Variants in NYAP2 observed in about 807,000 individuals in gnomAD.
The protein encoded by NYAP2 is neuronal tyrosine-phosphorylated phosphoinositide-3-kinase adapter 2.
NYAP2 carries 23 observed loss-of-function variants against 50.4 expected under a neutral mutation model. The observed-to-expected ratio is 0.46, with a 90% CI of 0.33 to 0.65. The LOEUF (loss-of-function observed/expected upper bound fraction) is 0.65. Ranked by LOEUF, NYAP2 falls within the 30% of genes least tolerant of loss-of-function variation. NYAP2 has a pLI of 0.02. For missense variants in NYAP2, 885 were observed against 861.0 expected, an observed-to-expected ratio of 1.03 and a Z score of -0.35; for synonymous variants, 394 against 365.2, an observed-to-expected ratio of 1.08 and a Z score of -0.90.
At chr2:225,477,114 T>A (rs1690126550) in intron 3 of NYAP2, among the ~76,000 whole-genome samples, 3 of 152,120 alleles carry the variant, frequency 2.0e-5, no homozygotes, top group African/African-American at 7.2e-5. Context: ...ATTATATGTG[T>A]GCTTTTGGAA....
intron 5 of NYAP2, among the ~76,000 whole-genome samples, chr2:225,589,135 TTGTC>T (rs963698691): frequency 1.3e-5 from 2 of 152,080 alleles, no homozygotes; most frequent in African/African-American, 4.8e-5. Flanking sequence ...ATACCCAAAC[TTGTC>T]TGAGAAGCAG....
At chr2:225,656,775 T>C (rs1437785168), downstream of NYAP2, among the ~76,000 whole-genome samples, 2 of 145,664 alleles carry the variant, frequency 1.4e-5, no homozygotes, top group Non-Finnish European at 2.9e-5. Context: ...GCAGGGACTG[T>C]GCTCAGTTCA....
chr2:225,680,920 A>G, the NYAP2 span, among the ~76,000 whole-genome samples: 1 of 152,126 alleles, frequency 6.6e-6, no homozygotes, highest in Non-Finnish European at 1.5e-5. Context: ...AAACCATTTC[A>G]CCCCAGATCT....
chr2:225,618,101 T>G (rs1693020640), intron 5 of NYAP2, among the ~76,000 whole-genome samples: 1 of 152,186 alleles, frequency 6.6e-6, no homozygotes, highest in Non-Finnish European at 1.5e-5. Flanking sequence ...AACGTTTTAA[T>G]GTAATACCCT....
chr2:225,638,150 G>A (rs190642620), intron 6 of NYAP2, among the ~76,000 whole-genome samples: 91 of 108,232 alleles, frequency 8.4e-4, no homozygotes, highest in Non-Finnish European at 2.6e-4. Flanking sequence ...AAACAGACTC[G>A]TGTGTTTGTG....
chr2:225,457,861 A>G (rs1689763546), intron 3 of NYAP2, among the ~76,000 whole-genome samples: 1 of 152,224 alleles, frequency 6.6e-6, no homozygotes, highest in Non-Finnish European at 1.5e-5. Context: ...CAACTGTCTT[A>G]ATACCCAGAT....
intron 4 of NYAP2, among the ~76,000 whole-genome samples, chr2:225,517,228 A>T (rs539052562): frequency 2.6e-5 from 4 of 152,304 alleles, no homozygotes; most frequent in African/African-American, 9.6e-5. Context: ...CAATCAGTAT[A>T]CTATAAATAT....
Position 225,589,519 on chromosome 2 carries a change from AT to A in NYAP2, c.1618+6485del, listed in dbSNP as rs1559223473. 8.5e-4 allele frequency among the ~76,000 whole-genome samples: 107 copies of A among 126,512 alleles called. 2 individuals carry two copies. Among genetic ancestry groups the A allele is most frequent in the East Asian group, 3.2e-3 (14 of 4,412 alleles). 83.0% of individuals were successfully genotyped at this position (126,512 alleles called of 152,430 possible). A position where few individuals can be genotyped will look rare whatever the true frequency, so the allele number is the denominator to read the frequency against. Reference sequence around the variant, plus strand: ...ACTATATCTCTACTAAAAGTAAAATATATATATATATATATATATATATTTA... The same window carrying A: ...ACTATATCTCTACTAAAAGTAAAATAATATATATATATATATATATATTTA... On this transcript the variant is annotated intron_variant, in intron 5 of 6. Transcript: ENST00000636099.
At chr2:225,552,723 C>A (rs1333692924) in intron 4 of NYAP2, among the ~76,000 whole-genome samples, 1 of 152,204 alleles carries the variant, frequency 6.6e-6, no homozygotes, top group Non-Finnish European at 1.5e-5. Flanking sequence ...CACAGTCTCG[C>A]TCTGTTGCCC....
chr2:225,518,548 A>ATATATATATAAATTAGCTTGTGAGCT (rs1690979459), intron 4 of NYAP2, among the ~76,000 whole-genome samples: 1 of 78,338 alleles, frequency 1.3e-5, no homozygotes, highest in African/African-American at 4.4e-5. Context: ...ATATATATAT[A>ATATATATATAAATTAGCTTGTGAGCT]TATATATATA....
At chr2:225,684,800 C>A in the NYAP2 span, among the ~76,000 whole-genome samples, 117 of 152,292 alleles carry the variant, frequency 7.7e-4, no homozygotes, top group African/African-American at 2.8e-3. Flanking sequence ...ATCTGCCCCC[C>A]TCGGCCTCCC....
At chr2:225,532,137 T>C (rs1691265079) in intron 4 of NYAP2, among the ~76,000 whole-genome samples, 1 of 152,244 alleles carries the variant, frequency 6.6e-6, no homozygotes, top group Non-Finnish European at 1.5e-5. Flanking sequence ...CGGTTTCACT[T>C]AGCCATTTCT....
chr2:225,582,028 G>C lies in NYAP2; in HGVS notation c.611G>C (p.Ser204Thr). 6.2e-7 allele frequency: 1 copy of C among 1,614,030 alleles called. No homozygotes were observed. Among genetic ancestry groups the C allele is most frequent in the Admixed American group, 1.7e-5 (1 of 60,022 alleles). The change falls in exon 5 of 7, where the codon AGC becomes ACC. Residue 204 changes from serine (S) to threonine (T), a missense_variant. Transcript: ENST00000636099. This position sits in a 1 kb window ranked among gnomAD's most constrained non-coding sequence, Gnocchi z 7.0. ...AAGCGAAATCCGAACACTCAGCTGAGCACATCTTTCGATGAAACGTACATC... is the reference window on the plus strand; with the variant it reads ...AAGCGAAATCCGAACACTCAGCTGACCACATCTTTCGATGAAACGTACATC...
At chr2:225,565,377 C>A (rs1691944438) in intron 4 of NYAP2, among the ~76,000 whole-genome samples, 1 of 152,012 alleles carries the variant, frequency 6.6e-6, no homozygotes. Flanking sequence ...AAAGTAAATC[C>A]ATTTCTATTA....
chr2:225,639,598 T>G (rs1693489954), intron 6 of NYAP2, among the ~76,000 whole-genome samples: 1 of 152,090 alleles, frequency 6.6e-6, no homozygotes, highest in Non-Finnish European at 1.5e-5. Context: ...TACAGCTCTC[T>G]TCCCATGATT....
At chr2:225,641,670 G>A (rs1208601546) in intron 6 of NYAP2, among the ~76,000 whole-genome samples, 1 of 152,026 alleles carries the variant, frequency 6.6e-6, no homozygotes, top group Non-Finnish European at 1.5e-5. Context: ...AAAACTAGCT[G>A]GGCGTGGTGG....
intron 3 of NYAP2, among the ~76,000 whole-genome samples, chr2:225,510,383 T>G (rs994957511): frequency 1.3e-5 from 2 of 152,212 alleles, no homozygotes; most frequent in African/African-American, 4.8e-5. Flanking sequence ...AACATCTGGA[T>G]ATAGTTTTAA....
chr2:225,575,117 G>A (rs1692149175), intron 4 of NYAP2, among the ~76,000 whole-genome samples: 1 of 152,124 alleles, frequency 6.6e-6, no homozygotes. Flanking sequence ...TAGGTCCACA[G>A]TTTCATGAGG....
chr2:225,572,490 A>C (rs1022176356), intron 4 of NYAP2, among the ~76,000 whole-genome samples: 5 of 152,206 alleles, frequency 3.3e-5, no homozygotes, highest in Non-Finnish European at 5.9e-5. Context: ...AGACAATTAT[A>C]AAACCATCAG....
Sources: gnomAD v4.1 joint callset for allele counts (sites outside exome capture counted in the v4.1 genomes callset) on GRCh38, gnomAD v4.1.1 for gene constraint, Gnocchi (gnomAD v3.1) non-coding constraint, MANE v1.5 for transcripts, NCBI Gene and HGNC (gene_info 2026-07-23, HGNC 2026-07-21) for gene names.